Variants in SH3RF3 observed in about 807,000 individuals in gnomAD.
SH3RF3 encodes the protein SH3 domain containing ring finger 3.
SH3RF3 carries 29 observed loss-of-function variants against 66.3 expected under a neutral mutation model. The ratio of observed to expected loss-of-function variants is 0.44; its 90% CI spans 0.33 to 0.60. The LOEUF (loss-of-function observed/expected upper bound fraction) is 0.60, where lower values mean the gene tolerates loss of function less well. Among genes scored for constraint, SH3RF3 ranks in the 20% least tolerant of loss-of-function variants. The probability of loss-of-function intolerance (pLI) is 0.04; values close to 1 mark genes in which losing one functional copy is unlikely to be tolerated. For synonymous variants in SH3RF3, 583 were observed against 532.0 expected, an observed-to-expected ratio of 1.10 and a Z score of -1.32; for missense variants, 1,194 against 1,190.9, an observed-to-expected ratio of 1.00 and a Z score of -0.04.
chr2:109,347,945 C>T lies in SH3RF3; in HGVS notation c.845C>T (p.Thr282Ile), dbSNP rs537747954. ...KDQDKDCLTF[T>I]KDEILTVLRR... ...CAAGACAAGGACTGTCTGACCTTCACCAAGGTAAGGTGAGCCCCGGGGTGG... is the reference window on the plus strand; with the variant it reads ...CAAGACAAGGACTGTCTGACCTTCATCAAGGTAAGGTGAGCCCCGGGGTGG... Residue 282 changes from threonine to isoleucine, a missense_variant, in exon 2 of 10, where the codon ACC (threonine) becomes ATC (isoleucine). Coordinates refer to ENST00000309415, the MANE Select transcript of SH3RF3 (RefSeq NM_001099289.3). 4.3e-5 allele frequency: 69 copies of T among 1,600,466 alleles called. No homozygotes were observed. In the Admixed American group the frequency reaches 9.3e-4, roughly 22 times the overall value.
chr2:109,292,397 C>T (rs1363650230), intron 1 of SH3RF3, among the ~76,000 whole-genome samples: 3 of 152,290 alleles, frequency 2.0e-5, no homozygotes, highest in Middle Eastern at 3.4e-3. Flanking sequence ...GGTCTTTTCA[C>T]TTAATGCTAT....
intron 5 of SH3RF3, among the ~76,000 whole-genome samples, chr2:109,427,952 C>T (rs968440361): frequency 6.6e-6 from 1 of 152,246 alleles, no homozygotes; most frequent in Non-Finnish European, 1.5e-5. Flanking sequence ...CACTCATCCT[C>T]GCCCTGCCTG....
chr2:109,367,094 A>C (rs1423309542), intron 2 of SH3RF3, among the ~76,000 whole-genome samples: 3 of 149,228 alleles, frequency 2.0e-5, no homozygotes, highest in Admixed American at 1.3e-4. Context: ...CTAGGATTAC[A>C]GGCATATGCC....
In SH3RF3 at chr2:109,250,302, T is replaced by C. The variant is rs559963276; in HGVS notation, c.574-97372T>C. On this transcript the variant is annotated intron_variant, in intron 1 of 9. Transcript: ENST00000309415. ...GGAAGACATCTCGCCCATTGCTGGT[T>C]GGACAGAGCCAACGTGGGGGTTTCT... 1.6e-3 allele frequency among the ~76,000 whole-genome samples: 246 copies of C among 151,896 alleles called. 2 individuals carry two copies. The highest frequency in any genetic ancestry group is 5.8e-3 in the African/African-American group (241 of 41,426).
At chr2:109,179,462 T>C (rs1364435806) in intron 1 of SH3RF3, among the ~76,000 whole-genome samples, 2 of 152,162 alleles carry the variant, frequency 1.3e-5, no homozygotes, top group Non-Finnish European at 2.9e-5. Flanking sequence ...AGTGTCCTTG[T>C]CTTTGTGTGT....
chr2:109,237,680 T>C lies in SH3RF3; in HGVS notation c.573+107567T>C, dbSNP rs1007478310. Among the ~76,000 whole-genome samples, 3 of 152,338 alleles carry C rather than the reference T, an allele frequency of 2.0e-5. No homozygotes were observed. In the South Asian group the frequency reaches 6.2e-4, roughly 32 times the overall value. On this transcript the variant is annotated intron_variant, in intron 1 of 9. Coordinates refer to ENST00000309415, the MANE Select transcript of SH3RF3 (RefSeq NM_001099289.3). ...GTGAGGCCCAAGACGGTTCTTCCAGTGTGGCCCAGGGAAGACAAAAGATTG... is the reference window on the plus strand; with the variant it reads ...GTGAGGCCCAAGACGGTTCTTCCAGCGTGGCCCAGGGAAGACAAAAGATTG...
At chr2:109,146,261 G>A (rs1410734294) in intron 1 of SH3RF3, among the ~76,000 whole-genome samples, 2 of 152,156 alleles carry the variant, frequency 1.3e-5, no homozygotes, top group African/African-American at 2.4e-5. Flanking sequence ...CAGATTAAGG[G>A]TCAGGCAAAG....
chr2:109,145,065 G>A (rs899617623), intron 1 of SH3RF3, among the ~76,000 whole-genome samples: 1 of 152,218 alleles, frequency 6.6e-6, no homozygotes, highest in African/African-American at 2.4e-5. Context: ...TAAGCAGAGT[G>A]TTAAGGGCCC....
chr2:109,436,534 C>T (rs569653468), intron 6 of SH3RF3, among the ~76,000 whole-genome samples: 1 of 152,194 alleles, frequency 6.6e-6, no homozygotes, highest in Non-Finnish European at 1.5e-5. Context: ...GTCAAGGCCT[C>T]GCGGGACATG....
At chr2:109,281,200 C>T (rs1032821708) in intron 1 of SH3RF3, among the ~76,000 whole-genome samples, 3 of 152,354 alleles carry the variant, frequency 2.0e-5, no homozygotes, top group South Asian at 2.1e-4. Context: ...GTCCCTCCTG[C>T]GACCCCAGCT....
At chr2:109,220,294 C>T (rs1679200608) in intron 1 of SH3RF3, among the ~76,000 whole-genome samples, 1 of 152,052 alleles carries the variant, frequency 6.6e-6, no homozygotes, top group South Asian at 2.1e-4. Flanking sequence ...TTAAAGATCT[C>T]AACATAAGAG....
At chr2:109,321,792 G>A (rs138137186) in intron 1 of SH3RF3, among the ~76,000 whole-genome samples, 132 of 152,270 alleles carry the variant, frequency 8.7e-4, no homozygotes, top group African/African-American at 2.6e-3. Context: ...AGATGTGTTC[G>A]CGAGGGATTG....
At chr2:109,241,496 C>T (rs897213327) in intron 1 of SH3RF3, among the ~76,000 whole-genome samples, 2 of 151,954 alleles carry the variant, frequency 1.3e-5, no homozygotes, top group African/African-American at 4.8e-5. Flanking sequence ...TACATAAGCT[C>T]GTATTACATT....
chr2:109,220,910 A>G (rs1272327680), intron 1 of SH3RF3, among the ~76,000 whole-genome samples: 2 of 152,234 alleles, frequency 1.3e-5, no homozygotes, highest in African/African-American at 4.8e-5. Context: ...CAGCAGTTCT[A>G]TTCCTAGGCT....
chr2:109,489,946 C>T (rs1217059870), intron 8 of SH3RF3, among the ~76,000 whole-genome samples: 1 of 152,178 alleles, frequency 6.6e-6, no homozygotes, highest in Non-Finnish European at 1.5e-5. Flanking sequence ...CCATGTTGGC[C>T]AGGCTGGTCT....
intron 4 of SH3RF3, among the ~76,000 whole-genome samples, chr2:109,409,208 G>A (rs1676526219): frequency 6.6e-6 from 1 of 152,116 alleles, no homozygotes; most frequent in African/African-American, 2.4e-5. Context: ...TCACTTTTTG[G>A]TTCCAGTTAT....
chr2:109,332,260 G>C (rs1682305358), intron 1 of SH3RF3, among the ~76,000 whole-genome samples: 1 of 152,130 alleles, frequency 6.6e-6, no homozygotes. Flanking sequence ...ACAACCTGCT[G>C]ATCCGTCTGT....
chr2:109,202,100 C>T (rs143402931), intron 1 of SH3RF3, among the ~76,000 whole-genome samples: 5 of 152,212 alleles, frequency 3.3e-5, no homozygotes, highest in East Asian at 3.9e-4. Context: ...CCCCTCGAGG[C>T]GATCTCGGCC....
chr2:109,170,565 C>G (rs188777111), intron 1 of SH3RF3, among the ~76,000 whole-genome samples: 5 of 152,040 alleles, frequency 3.3e-5, no homozygotes, highest in Non-Finnish European at 5.9e-5. Flanking sequence ...AGGATGGTCT[C>G]GATCTCCTGA....
Sources: allele counts gnomAD v4.1 joint callset (sites outside exome capture counted in the v4.1 genomes callset), GRCh38; gene constraint gnomAD v4.1.1; transcripts MANE v1.5; gene names NCBI Gene and HGNC (gene_info 2026-07-23, HGNC 2026-07-21).